Variants in PCDHGC4 observed in about 807,000 individuals in gnomAD.
The protein encoded by PCDHGC4 is protocadherin gamma subfamily C, 4.
In PCDHGC4, 15 loss-of-function variants were observed where a neutral mutation model predicts 59.7. The observed-to-expected ratio is 0.25, with a 90% confidence interval of 0.17 to 0.39. PCDHGC4 has a LOEUF of 0.39. Among genes scored for constraint, PCDHGC4 ranks in the 10% least tolerant of loss-of-function variants. The pLI, the probability that PCDHGC4 is intolerant of heterozygous loss-of-function variation, is 1.00. For missense variants in PCDHGC4, 1,016 were observed against 1,189.5 expected (o/e 0.85, Z 2.15); for synonymous variants, 434 against 481.4 (o/e 0.90, Z 1.29).
intron 2 of PCDHGC4, 166 bp from the exon 3 acceptor site, chr5:141,505,227 T>C: frequency 1.2e-6 from 1 of 840,112 alleles, no homozygotes; most frequent in Non-Finnish European, 1.4e-6. Context: ...TGTGGGATTC[T>C]GGCTTCTGAA....
chr5:141,485,374 T>A lies in PCDHGC4; in HGVS notation c.201T>A (p.Ala67=). Reference sequence around the variant, plus strand: ...TGTCAGCTCGCAGGCTGCAGGTCGCTGGAGAGGTGAACCAAAGACACTTCC... The same window carrying A: ...TGTCAGCTCGCAGGCTGCAGGTCGCAGGAGAGGTGAACCAAAGACACTTCC... The part of the protein sequence containing the change: ...DSLSARRLQV[A]GEVNQRHFRV... Residue 67 remains alanine (A), a synonymous_variant, in exon 1 of 4, where the codon GCT becomes GCA. Coordinates refer to ENST00000306593, the MANE Select transcript of PCDHGC4 (RefSeq NM_018928.3). The surrounding 1 kb of genome is among the most constrained non-coding windows in gnomAD (Gnocchi z 5.7). The A allele has an allele frequency of 1.2e-6, 2 of 1,614,082 alleles. No homozygotes were observed. Among genetic ancestry groups the A allele is most frequent in the Non-Finnish European group, 1.7e-6 (2 of 1,179,998 alleles).
chr5:141,491,284 A>C lies in PCDHGC4; in HGVS notation c.2443-3523A>C. ...AATGCCCAAATCCAGTGACTTCCTC[A>C]TACACCCTCCTGAGCGTTCAGACCT... On this transcript the variant is annotated intron_variant, in intron 1 of 3. Transcript: ENST00000306593. The surrounding 1 kb of genome is among the most constrained non-coding windows in gnomAD (Gnocchi z 6.9). 1.2e-6 allele frequency: 2 copies of C among 1,614,128 alleles called. No homozygotes were observed. The highest frequency in any genetic ancestry group is 1.7e-6 in the Non-Finnish European group (2 of 1,179,978).
chr5:141,491,896 C>A lies in PCDHGC4; in HGVS notation c.2443-2911C>A. ...CGATTAAGGGATGGGGCTCCGAGCA[C>A]CGGGGGTGGTGGCGACTGTGGGCGA... On this transcript the variant is annotated intron_variant, in intron 1 of 3. Coordinates refer to ENST00000306593, the MANE Select transcript of PCDHGC4 (RefSeq NM_018928.3). This position sits in a 1 kb window ranked among gnomAD's most constrained non-coding sequence, Gnocchi z 6.9. 1 of 1,434,504 alleles carries A rather than the reference C, an allele frequency of 7.0e-7. No homozygotes were observed. Among genetic ancestry groups the A allele is most frequent in the Non-Finnish European group, 9.2e-7 (1 of 1,084,690 alleles). The allele number at this position is 1,434,504 out of a possible 1,614,324, so 88.9% of individuals were successfully genotyped here.
At position 141,491,137 on chromosome 5, in the gene PCDHGC4, GC is replaced by G. The variant is rs1373404184; in HGVS notation, c.2442+3524del. ...CACTGGTGAGGTGCGCACAGCCCGG[GC>G]CTTACTGGAGGATGACTCTGACACC... On this transcript the variant is annotated intron_variant, in intron 1 of 3. Transcript: ENST00000306593. This position sits in a 1 kb window ranked among gnomAD's most constrained non-coding sequence, Gnocchi z 6.9. The G allele has an allele frequency of 1.2e-6, 2 of 1,614,156 alleles. No individual in the cohort carries two copies. Among genetic ancestry groups the G allele is most frequent in the Non-Finnish European group, 1.7e-6 (2 of 1,180,008 alleles).
chr5:141,497,396 C>T (rs2099776233), intron 2 of PCDHGC4, among the ~76,000 whole-genome samples: 1 of 152,116 alleles, frequency 6.6e-6, no homozygotes, highest in Middle Eastern at 3.2e-3. Flanking sequence ...CTTACCCCTG[C>T]CTCAACTCCC....
chr5:141,493,289 C>A lies in PCDHGC4; in HGVS notation c.2443-1518C>A, dbSNP rs925045650. On this transcript the variant is annotated intron_variant, in intron 1 of 3. Coordinates refer to ENST00000306593, the MANE Select transcript of PCDHGC4 (RefSeq NM_018928.3). This position sits in a 1 kb window ranked among gnomAD's most constrained non-coding sequence, Gnocchi z 4.3. The stretch of plus-strand genomic sequence containing the variant: ...CTTCACAGAGGTCAAGTGACTTGCT[C>A]AAGTTCACAGAGCAAGTAAGAGAGA... 6.6e-6 allele frequency among the ~76,000 whole-genome samples: 1 copy of A among 152,176 alleles called. No individual in the cohort carries two copies. Among genetic ancestry groups the A allele is most frequent in the East Asian group, 1.9e-4 (1 of 5,194 alleles).
chr5:141,511,062 C>T lies in PCDHGC4; in HGVS notation c.2706C>T (p.Tyr902=), dbSNP rs775583963. The change falls in exon 4 of 4, where the codon TAC becomes TAT. Residue 902 remains tyrosine, a synonymous_variant. Transcript: ENST00000306593. ...TGCCCGACTACCGCCAGAATGTCTACATCCCAGGCAGCAATGCCACACTGA... is the reference window on the plus strand; with the variant it reads ...TGCCCGACTACCGCCAGAATGTCTATATCCCAGGCAGCAATGCCACACTGA... ...QHVPDYRQNV[Y]IPGSNATLTN... The T allele has an allele frequency of 6.2e-7, 1 of 1,614,246 alleles. No homozygotes were observed. The highest frequency in any genetic ancestry group is 1.3e-5 in the African/African-American group (1 of 75,064).
chr5:141,485,680 C>T lies in PCDHGC4; in HGVS notation c.507C>T (p.Ser169=). The T allele has an allele frequency of 6.2e-7, 1 of 1,613,966 alleles. No individual in the cohort carries two copies. Among genetic ancestry groups the T allele is most frequent in the South Asian group, 1.1e-5 (1 of 91,066 alleles). The stretch of plus-strand genomic sequence containing the variant: ...ATGTGGGGAGCAATTCGATTAGCAG[C>T]TATAGGCTGAGCTCCAATGAACACT... ...DADVGSNSIS[S]YRLSSNEHFA... Residue 169 remains serine, a synonymous_variant, in exon 1 of 4, where the codon AGC becomes AGT. Coordinates refer to ENST00000306593, the MANE Select transcript of PCDHGC4 (RefSeq NM_018928.3). The surrounding 1 kb of genome is among the most constrained non-coding windows in gnomAD (Gnocchi z 5.7).
rs988237114 is a variant in PCDHGC4 at position 141,493,830 on chromosome 5, G to A, written c.2443-977G>A. On this transcript the variant is annotated intron_variant, in intron 1 of 3. Transcript: ENST00000306593. This position sits in a 1 kb window ranked among gnomAD's most constrained non-coding sequence, Gnocchi z 4.3. ...ATACTCACACTCTCTGCTTCTGGGA[G>A]CAAGTATGAGTATTAATTACCAGCC... 1.3e-5 allele frequency among the ~76,000 whole-genome samples: 2 copies of A among 152,218 alleles called. No individual in the cohort carries two copies. The highest frequency in any genetic ancestry group is 4.8e-5 in the African/African-American group (2 of 41,456).
chr5:141,501,130 G>A (rs528942194), intron 2 of PCDHGC4, among the ~76,000 whole-genome samples: 5 of 152,100 alleles, frequency 3.3e-5, no homozygotes, highest in African/African-American at 4.8e-5. Flanking sequence ...GCCTCCCTAA[G>A]TGCTGGGATT....
At chr5:141,495,213 C>T (rs568314100) in intron 2 of PCDHGC4, among the ~76,000 whole-genome samples, 1 of 152,326 alleles carries the variant, frequency 6.6e-6, no homozygotes, top group South Asian at 2.1e-4. Flanking sequence ...AACCCCCTCC[C>T]CTGAGTTGAG....
Position 141,491,910 on chromosome 5 carries a change from G to A in PCDHGC4, c.2443-2897G>A, listed in dbSNP as rs946745903. 1.4e-5 allele frequency: 19 copies of A among 1,406,944 alleles called. No individual in the cohort carries two copies. The South Asian group carries it at 2.6e-4, about 19-fold the overall frequency. 87.2% of individuals were successfully genotyped at this position (1,406,944 alleles called of 1,614,324 possible). On this transcript the variant is annotated intron_variant, in intron 1 of 3. Transcript: ENST00000306593. This position sits in a 1 kb window ranked among gnomAD's most constrained non-coding sequence, Gnocchi z 6.9. ...GGCTCCGAGCACCGGGGGTGGTGGCGACTGTGGGCGAGGGGAGGTGGGACC... is the reference window on the plus strand; with the variant it reads ...GGCTCCGAGCACCGGGGGTGGTGGCAACTGTGGGCGAGGGGAGGTGGGACC...
At position 141,491,735 on chromosome 5, in the gene PCDHGC4, G is replaced by C. The variant is rs765837152; in HGVS notation, c.2443-3072G>C. ...TCGGCGCCGCCCCGGGCGACCCCTG[G>C]GGGCGGCACTGGAGAAGCCGCCCGT... On this transcript the variant is annotated intron_variant, in intron 1 of 3. Coordinates refer to ENST00000306593, the MANE Select transcript of PCDHGC4 (RefSeq NM_018928.3). The surrounding 1 kb of genome is among the most constrained non-coding windows in gnomAD (Gnocchi z 6.9). 2.5e-6 allele frequency: 4 copies of C among 1,601,968 alleles called. No homozygotes were observed. In the South Asian group the frequency reaches 4.4e-5, roughly 18 times the overall value.
rs561569572 is a variant in PCDHGC4, at chr5:141,512,054, C to A, written c.*881C>A. 6.5e-6 allele frequency: 1 copy of A among 152,828 alleles called. No individual in the cohort carries two copies. The highest frequency in any genetic ancestry group is 1.9e-4 in the East Asian group (1 of 5,184). The allele number at this position is 152,828 out of a possible 1,614,324, so 9.5% of individuals were successfully genotyped here. On this transcript the variant is annotated 3_prime_UTR_variant, in exon 4 of 4. Coordinates refer to ENST00000306593, the MANE Select transcript of PCDHGC4 (RefSeq NM_018928.3). Reference sequence around the variant, plus strand: ...GGAGGCTCTGTATGTCCTCAGGGGACTGACAACATCCTCCAGATTCCAGCC... The same window carrying A: ...GGAGGCTCTGTATGTCCTCAGGGGAATGACAACATCCTCCAGATTCCAGCC...
At position 141,489,664 on chromosome 5, in the gene PCDHGC4, A is replaced by G. The variant is rs745597010; in HGVS notation, c.2442+2049A>G. On this transcript the variant is annotated intron_variant, in intron 1 of 3. Transcript: ENST00000306593. The surrounding 1 kb of genome is among the most constrained non-coding windows in gnomAD (Gnocchi z 4.5). ...TGCCACCCCTGAGCGAGAGATGCGCATCTCAGAATCAGCAGCATCTGGGGC... is the reference window on the plus strand; with the variant it reads ...TGCCACCCCTGAGCGAGAGATGCGCGTCTCAGAATCAGCAGCATCTGGGGC... 1 of 1,614,106 alleles carries G rather than the reference A, an allele frequency of 6.2e-7. No homozygotes were observed. The highest frequency in any genetic ancestry group is 8.5e-7 in the Non-Finnish European group (1 of 1,180,050).
In PCDHGC4 at chr5:141,486,194, C is replaced by A. The variant is rs1248456800; in HGVS notation, c.1021C>A (p.Leu341Met). The A allele has an allele frequency of 6.2e-7, 1 of 1,614,196 alleles. No individual in the cohort carries two copies. Among genetic ancestry groups the A allele is most frequent in the Non-Finnish European group, 8.5e-7 (1 of 1,180,026 alleles). Reference protein sequence around the residue: ...EQHCSLRVDLLDVNDNAPYIT... With the variant: ...EQHCSLRVDLMDVNDNAPYIT... ...ACATTGCAGCCTTCGAGTGGATCTG[C>A]TGGACGTAAATGACAATGCCCCTTA... Residue 341 changes from leucine to methionine, a missense_variant, in exon 1 of 4, where the codon CTG (leucine) becomes ATG (methionine). By Grantham distance (15) the Leu-to-Met change is conservative (BLOSUM62 2). Transcript: ENST00000306593. The surrounding 1 kb of genome is among the most constrained non-coding windows in gnomAD (Gnocchi z 5.0).
rs768994533 is a variant in PCDHGC4 at position 141,486,589 on chromosome 5, C to G, written c.1416C>G (p.Asp472Glu). The change falls in exon 1 of 4, where the codon GAC becomes GAG. Residue 472 changes from aspartate (D) to glutamate (E), a missense_variant. Physicochemically the swap from Asp to Glu is conservative, Grantham distance 45. Transcript: ENST00000306593. This position sits in a 1 kb window ranked among gnomAD's most constrained non-coding sequence, Gnocchi z 5.0. ...VFVPENNRPG[D>E]LLCSLAASDP... Reference sequence around the variant, plus strand: ...TTCCTGAGAACAATCGCCCAGGGGACCTGCTTTGCTCCCTTGCAGCCTCTG... The same window carrying G: ...TTCCTGAGAACAATCGCCCAGGGGAGCTGCTTTGCTCCCTTGCAGCCTCTG... 1 of 1,613,676 alleles carries G rather than the reference C, an allele frequency of 6.2e-7. No individual in the cohort carries two copies. Among genetic ancestry groups the G allele is most frequent in the Non-Finnish European group, 8.5e-7 (1 of 1,179,996 alleles).
At chr5:141,494,890 C>A (rs1483157263) in intron 2 of PCDHGC4, 25 bp downstream of exon 2, 1 of 1,614,120 alleles carries the variant, frequency 6.2e-7, no homozygotes. Context: ...CTCCAGCCCA[C>A]CCTCTTCTCT....
chr5:141,487,750 T>A lies in PCDHGC4; in HGVS notation c.2442+135T>A, dbSNP rs2099664307. On this transcript the variant is annotated intron_variant, in intron 1 of 3. Coordinates refer to ENST00000306593, the MANE Select transcript of PCDHGC4 (RefSeq NM_018928.3). The surrounding 1 kb of genome is among the most constrained non-coding windows in gnomAD (Gnocchi z 5.0). Reference sequence around the variant, plus strand: ...TCACCATTTTTGTAAGAGGTAACTATGTGGTAGACGCTGTGCTTTGTAACT... The same window carrying A: ...TCACCATTTTTGTAAGAGGTAACTAAGTGGTAGACGCTGTGCTTTGTAACT... 1 of 1,555,392 alleles carries A rather than the reference T, an allele frequency of 6.4e-7. No homozygotes were observed. Among genetic ancestry groups the A allele is most frequent in the African/African-American group, 1.4e-5 (1 of 73,376 alleles).
Sources: gnomAD v4.1 joint callset for allele counts (sites outside exome capture counted in the v4.1 genomes callset) on GRCh38, gnomAD v4.1.1 for gene constraint, Gnocchi (gnomAD v3.1) non-coding constraint, MANE v1.5 for transcripts, NCBI Gene and HGNC (gene_info 2026-07-23, HGNC 2026-07-21) for gene names.